The following TRAF2 variants were observed in gnomAD, a reference collection of about 807,000 sequenced individuals.
TRAF2 encodes the protein TNF receptor associated factor 2.
TRAF2 carries 6 observed loss-of-function variants against 55.6 expected under a neutral mutation model. The observed-to-expected ratio is 0.11, with a 90% confidence interval of 0.06 to 0.21. The LOEUF is 0.21. TRAF2 is among the 10% of genes least tolerant of loss of function. The pLI is 1.00. For missense variants in TRAF2, 561 were observed against 684.5 expected, an observed-to-expected ratio of 0.82 and a Z score of 2.01; for synonymous variants, 329 against 276.3, an observed-to-expected ratio of 1.19 and a Z score of -1.89.
chr9:136,912,642 G>C (rs1588437373), intron 6 of TRAF2, among the ~76,000 whole-genome samples: 1 of 152,232 alleles, frequency 6.6e-6, no homozygotes, highest in African/African-American at 2.4e-5. Flanking sequence ...TTCGAGACCA[G>C]CCTGGCCAAC....
intron 6 of TRAF2, among the ~76,000 whole-genome samples, chr9:136,910,717 G>C (rs1230582649): frequency 6.6e-6 from 1 of 152,190 alleles, no homozygotes; most frequent in African/African-American, 2.4e-5. Context: ...GGCCAGGCCT[G>C]CCCGCGGGCT....
intron 6 of TRAF2, among the ~76,000 whole-genome samples, chr9:136,914,107 T>G (rs1445417961): frequency 6.6e-6 from 1 of 152,218 alleles, no homozygotes; most frequent in Admixed American, 6.5e-5. Flanking sequence ...CAGTGTTTAG[T>G]GTTTCCTGGG....
chr9:136,905,905 C>A (rs2131303203), intron 4 of TRAF2, among the ~76,000 whole-genome samples: 1 of 152,236 alleles, frequency 6.6e-6, no homozygotes, highest in South Asian at 2.1e-4. Flanking sequence ...GAGATTGAGA[C>A]CATCCTGGCT....
At chr9:136,920,177 C>T in intron 7 of TRAF2, 57 bp from the exon 8 acceptor site, 1 of 1,527,454 alleles carries the variant, frequency 6.5e-7, no homozygotes, top group Non-Finnish European at 8.8e-7. Context: ...GTGGCCGTCC[C>T]CGGGTGGGAG....
At chr9:136,918,861 G>A (rs1850312070) in intron 7 of TRAF2, among the ~76,000 whole-genome samples, 1 of 151,112 alleles carries the variant, frequency 6.6e-6, no homozygotes, top group East Asian at 2.0e-4. Flanking sequence ...CAGCCTTCCG[G>A]GAAGCTGGGA....
chr9:136,922,751 G>A (rs1165344832), intron 9 of TRAF2, among the ~76,000 whole-genome samples: 4 of 141,218 alleles, frequency 2.8e-5, no homozygotes, highest in Non-Finnish European at 6.2e-5. Context: ...GATGGGCCTG[G>A]GCATGTGGTG....
upstream of TRAF2, chr9:136,882,088 T>A: frequency 1.0e-6 from 1 of 971,196 alleles, no homozygotes; most frequent in African/African-American, 1.8e-5. Flanking sequence ...TTGTTCATGG[T>A]CCCGTGGGGG....
intron 9 of TRAF2, 30 bp from the exon 10 acceptor site, chr9:136,923,822 G>A: frequency 1.9e-6 from 3 of 1,608,936 alleles, no homozygotes; most frequent in Non-Finnish European, 2.5e-6. Flanking sequence ...CTGAGTGTCA[G>A]CTCACCAGGC....
chr9:136,903,966 G>T (rs975682504), intron 4 of TRAF2, among the ~76,000 whole-genome samples: 4 of 152,072 alleles, frequency 2.6e-5, no homozygotes, highest in Non-Finnish European at 5.9e-5. Flanking sequence ...ACAGGCGTGA[G>T]CCACCGCGCC....
At chr9:136,913,633 TTC>T (rs758156774) in intron 6 of TRAF2, among the ~76,000 whole-genome samples, 20 of 152,282 alleles carry the variant, frequency 1.3e-4, no homozygotes, top group Non-Finnish European at 2.6e-4. Flanking sequence ...AATACATTTT[TTC>T]TTTGAGTTTA....
upstream of TRAF2, among the ~76,000 whole-genome samples, chr9:136,884,127 T>C (rs1849405534): frequency 6.6e-6 from 1 of 151,960 alleles, no homozygotes; most frequent in South Asian, 2.1e-4. Context: ...TGTATTTTTT[T>C]AGTAGAGACG....
At chr9:136,897,747 G>A (rs370255220) in intron 1 of TRAF2, among the ~76,000 whole-genome samples, 1 of 148,362 alleles carries the variant, frequency 6.7e-6, no homozygotes, top group South Asian at 2.1e-4. Flanking sequence ...AGGGCTGGAG[G>A]GGAACCCGTG....
intron 6 of TRAF2, among the ~76,000 whole-genome samples, chr9:136,916,295 C>T (rs34563055): frequency 9.2e-5 from 14 of 152,124 alleles, no homozygotes; most frequent in East Asian, 1.9e-4. Flanking sequence ...GCTGGGGTCT[C>T]CACAGGTGTC....
At chr9:136,921,271 C>T in intron 9 of TRAF2, 56 bp downstream of exon 9, 2 of 1,601,152 alleles carry the variant, frequency 1.2e-6, no homozygotes, top group Non-Finnish European at 1.7e-6. Flanking sequence ...GCACCTGGGT[C>T]CCCTCACCCC....
At chr9:136,883,443 A>G (rs1849396925), upstream of TRAF2, among the ~76,000 whole-genome samples, 1 of 152,126 alleles carries the variant, frequency 6.6e-6, no homozygotes, top group African/African-American at 2.4e-5. Context: ...CCCATGTTGG[A>G]GGCCACTGTC....
At chr9:136,898,250 C>T (rs1016595360) in intron 1 of TRAF2, among the ~76,000 whole-genome samples, 2 of 152,224 alleles carry the variant, frequency 1.3e-5, no homozygotes, top group African/African-American at 4.8e-5. Flanking sequence ...CAGGCGTCTC[C>T]TGCCCAGTGG....
At chr9:136,910,052 A>G in intron 6 of TRAF2, 58 bp downstream of exon 6, 14 of 1,183,808 alleles carry the variant, frequency 1.2e-5, no homozygotes, top group Admixed American at 1.9e-5. Flanking sequence ...GTTGGACGTG[A>G]GGGTCCCGTG....
At chr9:136,916,671 C>A in intron 7 of TRAF2, 56 bp downstream of exon 7, 1 of 1,536,882 alleles carries the variant, frequency 6.5e-7, no homozygotes, top group African/African-American at 1.4e-5. Flanking sequence ...GTGGTCTTCA[C>A]TGCCTCCAGC....
At chr9:136,896,279 G>A (rs919666630) in intron 1 of TRAF2, among the ~76,000 whole-genome samples, 6 of 152,222 alleles carry the variant, frequency 3.9e-5, no homozygotes, top group African/African-American at 1.2e-4. Context: ...GAGGAGCATG[G>A]CAGGCGAGCA....
Sources: allele counts gnomAD v4.1 joint callset (sites outside exome capture counted in the v4.1 genomes callset), GRCh38; gene constraint gnomAD v4.1.1; transcripts MANE v1.5; gene names NCBI Gene and HGNC (gene_info 2026-07-23, HGNC 2026-07-21).